The following NRG3 variants were observed in gnomAD, a reference collection of about 807,000 sequenced individuals.
The protein encoded by NRG3 is neuregulin 3, also known as pro-neuregulin-3, membrane-bound isoform.
NRG3 carries 31 observed loss-of-function variants against 66.9 expected under a neutral mutation model. That is an observed-to-expected ratio of 0.46 (90% confidence interval 0.35 to 0.63). The LOEUF is 0.63. Among genes scored for constraint, NRG3 ranks in the 20% least tolerant of loss-of-function variants. The probability of loss-of-function intolerance (pLI) is 0.00; values close to 1 mark genes in which losing one functional copy is unlikely to be tolerated. For synonymous variants in NRG3, 393 were observed against 359.4 expected (o/e 1.09, Z -1.06); for missense variants, 910 against 878.9 (o/e 1.04, Z -0.45).
At chr10:82,798,351 A>T (rs930049815) in intron 3 of NRG3, among the ~76,000 whole-genome samples, 2 of 152,228 alleles carry the variant, frequency 1.3e-5, no homozygotes, top group South Asian at 4.1e-4. Flanking sequence ...AAGAAACTAT[A>T]AACTCTGGAC....
intron 2 of NRG3, among the ~76,000 whole-genome samples, chr10:82,452,970 G>A (rs2091090450): frequency 6.6e-6 from 1 of 152,128 alleles, no homozygotes; most frequent in Admixed American, 6.5e-5. Flanking sequence ...TCTATATAAT[G>A]TAGTCCCTGG....
chr10:82,522,739 A>G (rs1051849186), intron 2 of NRG3, among the ~76,000 whole-genome samples: 5 of 152,118 alleles, frequency 3.3e-5, no homozygotes, highest in Non-Finnish European at 5.9e-5. Flanking sequence ...CTGAAATTCA[A>G]TTTAACATGG....
chr10:82,485,195 C>A (rs913729547), intron 2 of NRG3, among the ~76,000 whole-genome samples: 1 of 151,970 alleles, frequency 6.6e-6, no homozygotes, highest in African/African-American at 2.4e-5. Flanking sequence ...AACTGTGTCC[C>A]CACTATAACC....
At chr10:82,039,441 T>C (rs1273751582) in intron 1 of NRG3, among the ~76,000 whole-genome samples, 1 of 152,122 alleles carries the variant, frequency 6.6e-6, no homozygotes, top group Non-Finnish European at 1.5e-5. Context: ...TTGGGGATAG[T>C]AGTAAATATT....
intron 1 of NRG3, among the ~76,000 whole-genome samples, chr10:81,983,177 C>T (rs1477461242): frequency 6.6e-6 from 1 of 152,124 alleles, no homozygotes; most frequent in African/African-American, 2.4e-5. Flanking sequence ...ATACTCTATC[C>T]ATGTCTGGAA....
intron 1 of NRG3, among the ~76,000 whole-genome samples, chr10:81,951,481 C>G (rs1209803925): frequency 6.6e-6 from 1 of 152,170 alleles, no homozygotes. Flanking sequence ...AGCTTATACA[C>G]ACACACAGAA....
chr10:81,908,152 A>G (rs1198169884), intron 1 of NRG3, among the ~76,000 whole-genome samples: 2 of 152,134 alleles, frequency 1.3e-5, no homozygotes, highest in Non-Finnish European at 2.9e-5. Flanking sequence ...AGTTATTTCA[A>G]TGTTATGCAG....
intron 2 of NRG3, among the ~76,000 whole-genome samples, chr10:82,377,436 G>A (rs1043059209): frequency 3.6e-5 from 4 of 112,374 alleles, no homozygotes; most frequent in Middle Eastern, 4.0e-3. Context: ...GTGTGTGCGC[G>A]TGTGTGTGTG....
chr10:82,550,712 T>G (rs79064825), intron 2 of NRG3, among the ~76,000 whole-genome samples: 2,741 of 152,186 alleles, frequency 0.018, 31 homozygotes, highest in Middle Eastern at 0.068. Context: ...CAGTTAGGAG[T>G]TAGACCATGT....
intron 1 of NRG3, among the ~76,000 whole-genome samples, chr10:82,010,416 C>T (rs1328331408): frequency 6.6e-6 from 1 of 152,140 alleles, no homozygotes; most frequent in Non-Finnish European, 1.5e-5. Context: ...ATATGAGTTA[C>T]TGTGTTAGGT....
chr10:82,116,070 A>G (rs140259687), intron 1 of NRG3, among the ~76,000 whole-genome samples: 288 of 152,310 alleles, frequency 1.9e-3, no homozygotes, highest in Non-Finnish European at 3.5e-3. Context: ...CAAATTTTGT[A>G]CAAGTAGATA....
chr10:81,966,094 G>T (rs1317886611), intron 1 of NRG3, among the ~76,000 whole-genome samples: 1 of 151,454 alleles, frequency 6.6e-6, no homozygotes, highest in Non-Finnish European at 1.5e-5. Flanking sequence ...CTTTTAATAA[G>T]GAATTGAGTT....
chr10:82,957,776 G>T (rs1177537297), intron 5 of NRG3, among the ~76,000 whole-genome samples: 1 of 149,906 alleles, frequency 6.7e-6, no homozygotes, highest in Non-Finnish European at 1.5e-5. Flanking sequence ...TCTTCCTAGT[G>T]ATAAAACATA....
At chr10:82,210,428 G>A (rs1242466889) in intron 1 of NRG3, among the ~76,000 whole-genome samples, 1 of 152,188 alleles carries the variant, frequency 6.6e-6, no homozygotes, top group East Asian at 1.9e-4. Flanking sequence ...CAGGTGCCAA[G>A]GTGCCAGCCT....
rs189334689 is a variant in NRG3, at chr10:82,484,708, C to A, written c.953+125840C>A. 5.9e-5 allele frequency among the ~76,000 whole-genome samples: 9 copies of A among 152,252 alleles called. 1 individual carries two copies. Among genetic ancestry groups the A allele is most frequent in the Admixed American group, 5.2e-4 (8 of 15,300 alleles). ...GATTACCTTATGAAATACCCTGGTGCAAAGCCAGAATTTAATATGAAGATC... is the reference window on the plus strand; with the variant it reads ...GATTACCTTATGAAATACCCTGGTGAAAAGCCAGAATTTAATATGAAGATC... On this transcript the variant is annotated intron_variant, in intron 2 of 8. Coordinates refer to ENST00000372141, the MANE Select transcript of NRG3 (RefSeq NM_001010848.4).
intron 2 of NRG3, 64 bp downstream of exon 2, chr10:82,358,932 C>T (rs1217487026): frequency 6.2e-7 from 1 of 1,604,010 alleles, no homozygotes; most frequent in Non-Finnish European, 8.5e-7. Flanking sequence ...GTGGAGGGTG[C>T]TGGCAGCATC....
intron 1 of NRG3, among the ~76,000 whole-genome samples, chr10:82,020,228 G>C (rs186518867): frequency 6.6e-6 from 1 of 152,186 alleles, no homozygotes; most frequent in East Asian, 1.9e-4. Context: ...CCAAAGATGT[G>C]GCTTGCAATT....
intron 1 of NRG3, among the ~76,000 whole-genome samples, chr10:81,988,838 T>C (rs1160408331): frequency 6.6e-6 from 1 of 151,902 alleles, no homozygotes; most frequent in African/African-American, 2.4e-5. Context: ...TTAAGTGCAA[T>C]GATAAATCAA....
intron 2 of NRG3, among the ~76,000 whole-genome samples, chr10:82,398,666 C>T (rs1183585728): frequency 6.6e-6 from 1 of 151,966 alleles, no homozygotes; most frequent in Non-Finnish European, 1.5e-5. Context: ...CTTCAGAAAA[C>T]GGGAAAGGTA....
Sources: allele counts gnomAD v4.1 joint callset (sites outside exome capture counted in the v4.1 genomes callset), GRCh38; gene constraint gnomAD v4.1.1; transcripts MANE v1.5; gene names NCBI Gene and HGNC (gene_info 2026-07-23, HGNC 2026-07-21).